CAPN6: variants seen among roughly 807,000 people sequenced by gnomAD.
CAPN6 encodes the protein calpain 6.
In CAPN6, 16 loss-of-function variants were observed where a neutral mutation model predicts 46.0. The observed-to-expected ratio is 0.35, with a 90% CI of 0.24 to 0.53. The LOEUF (loss-of-function observed/expected upper bound fraction) is 0.53, where lower values mean the gene tolerates loss of function less well. CAPN6 is among the 20% of genes least tolerant of loss of function. The probability of loss-of-function intolerance (pLI) is 0.94; values close to 1 mark genes in which losing one functional copy is unlikely to be tolerated. For missense variants in CAPN6, 461 were observed against 498.0 expected, an observed-to-expected ratio of 0.93 and a Z score of 0.71; for synonymous variants, 206 against 172.8, an observed-to-expected ratio of 1.19 and a Z score of -1.51.
At chrX:111,264,402 T>A (rs766352828) in intron 1 of CAPN6, among the ~76,000 whole-genome samples, 1 of 111,845 alleles carries the variant, frequency 8.9e-6, no homozygotes, top group East Asian at 2.8e-4. Context: ...GTCGCACACT[T>A]TGTGCATGAG....
intron 8 of CAPN6, among the ~76,000 whole-genome samples, chrX:111,250,237 T>A (rs55918256): frequency 0.047 from 5,272 of 111,612 alleles, 188 homozygotes; most frequent in African/African-American, 0.11. Context: ...GTCAGAATTC[T>A]TGTTTTCTAT....
At chrX:111,250,477 G>T (rs891108827) in intron 8 of CAPN6, among the ~76,000 whole-genome samples, 1 of 110,933 alleles carries the variant, frequency 9.0e-6, no homozygotes, top group African/African-American at 3.3e-5. Context: ...CATAATAATG[G>T]GGTTCAAAAG....
chrX:111,247,829 G>A (rs764616330), intron 11 of CAPN6, 42 bp downstream of exon 11: 7 of 1,184,862 alleles, frequency 5.9e-6, no homozygotes, highest in Non-Finnish European at 8.0e-6. Context: ...TGCTATAAAT[G>A]CAACTGAATT....
chrX:111,264,118 A>C (rs942976845), intron 1 of CAPN6, among the ~76,000 whole-genome samples, 167 bp from the exon 2 acceptor site: 3 of 111,923 alleles, frequency 2.7e-5, no homozygotes, highest in African/African-American at 9.7e-5. Context: ...AGAAGTGTCC[A>C]CACTCCGCAA....
intron 2 of CAPN6, among the ~76,000 whole-genome samples, chrX:111,256,845 ACCCC>A (rs61313475): frequency 1.3e-5 from 1 of 78,927 alleles, no homozygotes; most frequent in African/African-American, 3.6e-5. Context: ...TAAATTTGGG[ACCCC>A]CCCCCCCACA....
intron 2 of CAPN6, among the ~76,000 whole-genome samples, chrX:111,260,619 G>A (rs1367429637): frequency 8.9e-6 from 1 of 111,868 alleles, no homozygotes; most frequent in Non-Finnish European, 1.9e-5. Context: ...CAGCTTTCCT[G>A]ATGGGAGGCC....
At chrX:111,251,176 C>T in intron 7 of CAPN6, 33 bp downstream of exon 7, 1 of 1,204,865 alleles carries the variant, frequency 8.3e-7, no homozygotes, top group East Asian at 3.0e-5. Flanking sequence ...ATGTAGAAGC[C>T]CCAATTCCCT....
chrX:111,252,445 C>G lies in CAPN6; in HGVS notation c.561G>C (p.Val187=), dbSNP rs1354218084. 1 of 1,209,298 alleles carries G rather than the reference C, an allele frequency of 8.3e-7. No individual in the cohort carries two copies. The highest frequency in any genetic ancestry group is 1.1e-6 in the Non-Finnish European group (1 of 894,859). ...LDGLTITDII[V]DFTGTLAETV... ...TTTCAGCCAATGTGCCCGTGAAGTC[C>G]ACAATAATATCAGTGATGGTCAAAC... Residue 187 remains valine, a synonymous_variant, in exon 5 of 13, where the codon GTG becomes GTC. Transcript: ENST00000324068.
At position 111,263,657 on chromosome X, in the gene CAPN6, G is replaced by A. The variant is rs2094989729; in HGVS notation, c.165+115C>T. ...GCTGAAAAAAAAAGAAAGGAAGGAA[G>A]GAAGGTTAACTTCTAAATTGGTCTA... On this transcript the variant is annotated intron_variant, in intron 2 of 12. Coordinates refer to ENST00000324068, the MANE Select transcript of CAPN6 (RefSeq NM_014289.4). The A allele has an allele frequency of 6.0e-6, 3 of 497,324 alleles. No homozygotes were observed. In the East Asian group the frequency reaches 1.2e-4, roughly 20 times the overall value. The allele number at this position is 497,324 out of a possible 1,213,427, so 41.0% of individuals were successfully genotyped here.
At chrX:111,253,766 C>T (rs2094981580) in intron 3 of CAPN6, among the ~76,000 whole-genome samples, 1 of 112,287 alleles carries the variant, frequency 8.9e-6, no homozygotes, top group Admixed American at 9.5e-5. Context: ...AATGTTTTAA[C>T]TTTGTCCCAA....
rs2094973800 is a variant in CAPN6 at position 111,245,667 on chromosome X, C to T, written c.*910G>A. The T allele has an allele frequency of 8.9e-6, 1 of 112,731 alleles. No individual in the cohort carries two copies. Among genetic ancestry groups the T allele is most frequent in the African/African-American group, 3.2e-5 (1 of 30,951 alleles). The allele number at this position is 112,731 out of a possible 1,213,427, so 9.3% of individuals were successfully genotyped here. A position where few individuals can be genotyped will look rare whatever the true frequency, so the allele number is the denominator to read the frequency against. ...GGGCCCCAAACTGGCTGTAATATGT[C>T]TGGATGAATTCTCTCATCTTTTAGG... On this transcript the variant is annotated 3_prime_UTR_variant, in exon 13 of 13. Transcript: ENST00000324068.
chrX:111,253,797 C>T (rs1215481287), intron 3 of CAPN6, among the ~76,000 whole-genome samples: 1 of 112,080 alleles, frequency 8.9e-6, no homozygotes, highest in Non-Finnish European at 1.9e-5. Context: ...CACTTCATTG[C>T]CTTGACCTCT....
chrX:111,253,858 T>G (rs2094981662), intron 3 of CAPN6, among the ~76,000 whole-genome samples: 1 of 112,349 alleles, frequency 8.9e-6, no homozygotes, highest in Non-Finnish European at 1.9e-5. Flanking sequence ...TTAGAACTTT[T>G]CAAGTCCTAC....
At chrX:111,269,473 A>T (rs1436590348) in intron 1 of CAPN6, among the ~76,000 whole-genome samples, 1 of 112,742 alleles carries the variant, frequency 8.9e-6, no homozygotes, top group African/African-American at 3.2e-5. Flanking sequence ...TTTTATCCTG[A>T]AGCCAGAAGT....
intron 1 of CAPN6, among the ~76,000 whole-genome samples, chrX:111,269,272 G>A (rs780390150): frequency 1.3e-3 from 145 of 111,359 alleles, no homozygotes; most frequent in Admixed American, 5.7e-3. Flanking sequence ...ACACACCCAG[G>A]CACACACGTG....
intron 2 of CAPN6, among the ~76,000 whole-genome samples, chrX:111,258,732 G>C (rs1031160460): frequency 9.0e-6 from 1 of 111,488 alleles, no homozygotes; most frequent in African/African-American, 3.3e-5. Flanking sequence ...TTCCAAACTG[G>C]GCCACCAAAT....
Position 111,246,648 on chromosome X carries a change from G to T in CAPN6, c.1855C>A (p.Pro619Thr), listed in dbSNP as rs1463237510. The T allele has an allele frequency of 1.7e-6, 2 of 1,208,805 alleles. No homozygotes were observed. Among genetic ancestry groups the T allele is most frequent in the Non-Finnish European group, 2.2e-6 (2 of 894,555 alleles). ...TGGCCTTGCTTGACTTTGGCAGTTG[G>T]ACCACCCTTCTTACGCAGGTACAGA... ...KSLYLRKKGG[P>T]TAKVKQGHIS... The change falls in exon 13 of 13, where the codon CCA (proline) becomes ACA (threonine). Residue 619 changes from proline to threonine, a missense_variant. Pro to Thr is a conservative substitution (Grantham distance 38). Coordinates refer to ENST00000324068, the MANE Select transcript of CAPN6 (RefSeq NM_014289.4).
chrX:111,269,090 G>T (rs1233970268), intron 1 of CAPN6, among the ~76,000 whole-genome samples: 1 of 112,106 alleles, frequency 8.9e-6, no homozygotes, highest in African/African-American at 3.2e-5. Context: ...CACTGTTTTG[G>T]GGTCACAAAG....
Position 111,247,401 on chromosome X carries a change from G to T in CAPN6, c.1710C>A (p.Tyr570Ter). The T allele has an allele frequency of 8.3e-7, 1 of 1,209,123 alleles. No homozygotes were observed. The change falls in exon 12 of 13, where the codon TAC becomes TAA. Residue 570 changes from tyrosine to a stop codon, truncating the protein, a stop_gained. Transcript: ENST00000324068. LOFTEE classifies it high-confidence loss of function. ...HAIFDTQAIF[Y>*]RRTTDIPIIV... The stretch of plus-strand genomic sequence containing the variant: ...TAATAGGAATGTCAGTGGTCCTTCT[G>T]TAGAAAATGGCCTGGGTGTCAAAAA...
Sources: gnomAD v4.1 joint callset for allele counts (sites outside exome capture counted in the v4.1 genomes callset) on GRCh38, gnomAD v4.1.1 for gene constraint, MANE v1.5 for transcripts, NCBI Gene and HGNC (gene_info 2026-07-23, HGNC 2026-07-21) for gene names.